Variants in KIF3C observed in about 807,000 individuals in gnomAD.
KIF3C encodes the protein kinesin-like protein KIF3C.
Under a neutral mutation model 67.7 loss-of-function variants are expected in KIF3C, and 12 were observed. The observed-to-expected ratio is 0.18, with a 90% confidence interval of 0.11 to 0.29. KIF3C has a LOEUF of 0.29. Among genes scored for constraint, KIF3C ranks in the 10% least tolerant of loss-of-function variants. The pLI, the probability that KIF3C is intolerant of heterozygous loss-of-function variation, is 1.00. For synonymous variants in KIF3C, 393 were observed against 426.2 expected (o/e 0.92, Z 0.96); for missense variants, 789 against 1,059.6 (o/e 0.74, Z 3.55).
intron 1 of KIF3C, among the ~76,000 whole-genome samples, chr2:25,969,598 C>G (rs115903532): frequency 0.013 from 1,930 of 152,248 alleles, 27 homozygotes; most frequent in Non-Finnish European, 0.022. Context: ...AAATCCCTAG[C>G]AATAACCATT....
Position 25,981,673 on chromosome 2 carries a change from A to C in KIF3C, c.245T>G (p.Ile82Arg). Residue 82 changes from isoleucine to arginine, a missense_variant, in exon 1 of 8, where the codon ATA becomes AGA. Around this residue, in one of 2 missense-constraint regions of KIF3C, gnomAD observed 141 missense variants for 251.8 expected, o/e 0.56. Transcript: ENST00000264712. The surrounding 1 kb of genome is among the most constrained non-coding windows in gnomAD (Gnocchi z 8.2). ...ATTGAAACCCTGGAGCACGGAGTCT[A>C]TCAGGGGCCTCACGGTTTCGTCATA... The part of the protein sequence containing the change: ...DLYDETVRPL[I>R]DSVLQGFNGT... 6.2e-7 allele frequency: 1 copy of C among 1,614,110 alleles called. No individual in the cohort carries two copies. Among genetic ancestry groups the C allele is most frequent in the Non-Finnish European group, 8.5e-7 (1 of 1,180,030 alleles).
chr2:25,976,922 T>A (rs1664432697), intron 1 of KIF3C, among the ~76,000 whole-genome samples: 1 of 152,194 alleles, frequency 6.6e-6, no homozygotes, highest in African/African-American at 2.4e-5. Flanking sequence ...CACTGCGCAG[T>A]ACCAAATATT....
intron 7 of KIF3C, 29 bp from the exon 8 acceptor site, chr2:25,929,100 G>T: frequency 6.3e-7 from 1 of 1,587,034 alleles, no homozygotes; most frequent in Non-Finnish European, 8.6e-7. Context: ...AGGCGAAAGG[G>T]GAGGTTAGGG....
rs372954491 is a variant in KIF3C at position 25,928,975 on chromosome 2, T to C, written c.*3A>G. The C allele has an allele frequency of 1.9e-6, 3 of 1,612,000 alleles. No individual in the cohort carries two copies. The highest frequency in any genetic ancestry group is 2.5e-6 in the Non-Finnish European group (3 of 1,179,338). ...TTGGATGGGCAGCCTGACGTGATGGTTGTCACTCATGGTCCGCCACTGTTG... is the reference window on the plus strand; with the variant it reads ...TTGGATGGGCAGCCTGACGTGATGGCTGTCACTCATGGTCCGCCACTGTTG... On this transcript the variant is annotated 3_prime_UTR_variant, in exon 8 of 8. Transcript: ENST00000264712.
chr2:25,929,822 A>T (rs2090443809), intron 6 of KIF3C, 133 bp downstream of exon 6: 2 of 666,476 alleles, frequency 3.0e-6, no homozygotes, highest in East Asian at 5.2e-5. Flanking sequence ...CACCATGTTA[A>T]CCAGGCTGGT....
chr2:25,931,608 A>G (rs2090459400), intron 5 of KIF3C, among the ~76,000 whole-genome samples: 1 of 152,172 alleles, frequency 6.6e-6, no homozygotes, highest in Non-Finnish European at 1.5e-5. Flanking sequence ...TTGAAGGCTG[A>G]AATGAAATCC....
intron 1 of KIF3C, among the ~76,000 whole-genome samples, chr2:25,977,687 T>C (rs1248389514): frequency 6.6e-6 from 1 of 152,220 alleles, no homozygotes; most frequent in South Asian, 2.1e-4. Flanking sequence ...CTCGTGCTAA[T>C]GATCTCATTT....
At chr2:25,934,566 C>T (rs958348172) in intron 5 of KIF3C, among the ~76,000 whole-genome samples, 1 of 150,842 alleles carries the variant, frequency 6.6e-6, no homozygotes, top group Non-Finnish European at 1.5e-5. Flanking sequence ...GGAGACAGAG[C>T]GAGACTCCAT....
intron 1 of KIF3C, among the ~76,000 whole-genome samples, chr2:25,969,067 G>A (rs763299889): frequency 3.3e-5 from 5 of 152,104 alleles, no homozygotes; most frequent in Non-Finnish European, 7.4e-5. Context: ...CAGGTGATCT[G>A]CCTGCTTTGG....
At chr2:25,935,532 A>G (rs749717186) in intron 5 of KIF3C, among the ~76,000 whole-genome samples, 30 of 151,942 alleles carry the variant, frequency 2.0e-4, no homozygotes, top group Non-Finnish European at 3.8e-4. Context: ...ACACCTGGCT[A>G]ATTTTGTTAT....
intron 5 of KIF3C, among the ~76,000 whole-genome samples, chr2:25,940,650 CTTTTTTTTTT>C (rs70950139): frequency 4.0e-5 from 3 of 74,172 alleles, no homozygotes; most frequent in African/African-American, 5.3e-5. Flanking sequence ...TCAGAATGTT[CTTTTTTTTTT>C]TTTTTTTTTT....
Position 25,980,438 on chromosome 2 carries a change from CCTT to C in KIF3C, c.1477_1479del (p.Lys493del). On this transcript the variant is annotated inframe_deletion, in exon 1 of 8. Coordinates refer to ENST00000264712, the MANE Select transcript of KIF3C (RefSeq NM_002254.8). This position sits in a 1 kb window ranked among gnomAD's most constrained non-coding sequence, Gnocchi z 7.6. ...CGCCGCAGGTCCTCCAGCATCTTCTCCTTCTCCTCCAGCAGCTTCTGCTTCTCC... is the reference window on the plus strand; with the variant it reads ...CGCCGCAGGTCCTCCAGCATCTTCTCCTCCTCCAGCAGCTTCTGCTTCTCC... 5 of 1,614,130 alleles carry C rather than the reference CCTT, an allele frequency of 3.1e-6. No individual in the cohort carries two copies. The highest frequency in any genetic ancestry group is 1.3e-5 in the African/African-American group (1 of 75,034).
chr2:25,982,445 G>C lies in KIF3C; in HGVS notation c.-528C>G. The C allele has an allele frequency of 2.5e-6, 1 of 398,758 alleles. No individual in the cohort carries two copies. Among genetic ancestry groups the C allele is most frequent in the Admixed American group, 4.4e-5 (1 of 22,738 alleles). 24.7% of individuals were successfully genotyped at this position (398,758 alleles called of 1,614,324 possible). ...CATTGCAGCCAGCGCGGCTGCTGCT[G>C]CCTCTGCCTCCGCCTTCCCCGCCGC... On this transcript the variant is annotated 5_prime_UTR_variant, in exon 1 of 8. Transcript: ENST00000264712.
chr2:25,952,811 G>C (rs1663658131), intron 4 of KIF3C, among the ~76,000 whole-genome samples: 1 of 151,958 alleles, frequency 6.6e-6, no homozygotes, highest in African/African-American at 2.4e-5. Context: ...ACCTGCCTCA[G>C]CCTCCCAAAG....
At chr2:25,966,372 C>T (rs1188435907) in intron 1 of KIF3C, among the ~76,000 whole-genome samples, 1 of 152,204 alleles carries the variant, frequency 6.6e-6, no homozygotes, top group African/African-American at 2.4e-5. Flanking sequence ...TTCCAAAGTG[C>T]TGGGATTACA....
At position 25,932,292 on chromosome 2, in the gene KIF3C, G is replaced by A. The variant is rs191014679; in HGVS notation, c.2007-2229C>T. 1.5e-3 allele frequency among the ~76,000 whole-genome samples: 232 copies of A among 151,322 alleles called. 1 individual carries two copies. Among genetic ancestry groups the A allele is most frequent in the African/African-American group, 5.4e-3 (223 of 41,292 alleles). On this transcript the variant is annotated intron_variant, in intron 5 of 7. Coordinates refer to ENST00000264712, the MANE Select transcript of KIF3C (RefSeq NM_002254.8). ...TGGGATTACAGACATAGGCCACTGC[G>A]CCTGGCCGGTAATTTTTAACTTTTA...
At chr2:25,972,945 C>T (rs1434690640) in intron 1 of KIF3C, among the ~76,000 whole-genome samples, 1 of 152,046 alleles carries the variant, frequency 6.6e-6, no homozygotes, top group East Asian at 1.9e-4. Flanking sequence ...GTCTTTGACT[C>T]TTCTCTAACT....
chr2:25,962,944 AATATATAATATATAAT>A lies in KIF3C; in HGVS notation c.1546-6516_1546-6501del, dbSNP rs1559555317. ...ATAATATATAATACATATAATATAT[AATATATAATATATAAT>A]ATATATAATATATAATATATAATAT... On this transcript the variant is annotated intron_variant, in intron 1 of 7. Coordinates refer to ENST00000264712, the MANE Select transcript of KIF3C (RefSeq NM_002254.8). Among the ~76,000 whole-genome samples, 29 of 30,074 alleles carry A rather than the reference AATATATAATATATAAT, an allele frequency of 9.6e-4. No homozygotes were observed. The East Asian group carries it at 0.058, about 60-fold the overall frequency. 19.7% of individuals were successfully genotyped at this position (30,074 alleles called of 152,430 possible). A position where few individuals can be genotyped will look rare whatever the true frequency, so the allele number is the denominator to read the frequency against.
chr2:25,974,596 A>G (rs573610487), intron 1 of KIF3C, among the ~76,000 whole-genome samples: 2 of 152,298 alleles, frequency 1.3e-5, no homozygotes, highest in East Asian at 3.9e-4. Flanking sequence ...CAGAACTGGT[A>G]AGTCACTAAA....
Sources: allele counts gnomAD v4.1 joint callset (sites outside exome capture counted in the v4.1 genomes callset), GRCh38; gene constraint gnomAD v4.1.1; regional missense constraint gnomAD v4.1.1; non-coding constraint Gnocchi (gnomAD v3.1); transcripts MANE v1.5; gene names NCBI Gene and HGNC (gene_info 2026-07-23, HGNC 2026-07-21).